The following IQSEC3 variants were observed in gnomAD, a reference collection of about 807,000 sequenced individuals.
IQSEC3 encodes the protein IQ motif and Sec7 domain ArfGEF 3.
A neutral mutation model predicts 105.4 loss-of-function variants in IQSEC3; 50 were observed. The observed-to-expected ratio is 0.47, with a 90% CI of 0.38 to 0.60. IQSEC3 has a LOEUF of 0.60. Ranked by LOEUF, IQSEC3 falls within the 20% of genes least tolerant of loss-of-function variation. The pLI, the probability that IQSEC3 is intolerant of heterozygous loss-of-function variation, is 0.00. For synonymous variants in IQSEC3, 708 were observed against 746.0 expected, an observed-to-expected ratio of 0.95 and a Z score of 0.83; for missense variants, 1,415 against 1,630.0, an observed-to-expected ratio of 0.87 and a Z score of 2.27.
Position 174,940 on chromosome 12 carries a change from C to A in IQSEC3, c.3456C>A (p.Pro1152=), listed in dbSNP as rs1591765744. Residue 1152 remains proline (P), a synonymous_variant, in exon 14 of 14, where the codon CCC becomes CCA. Coordinates refer to ENST00000538872, the MANE Select transcript of IQSEC3 (RefSeq NM_001170738.2). ...KVTHQPPLPP[P]PPPYNHPHQF... Reference sequence around the variant, plus strand: ...CCCACCAGCCTCCGCTGCCCCCGCCCCCACCCCCCTACAACCACCCTCACC... The same window carrying A: ...CCCACCAGCCTCCGCTGCCCCCGCCACCACCCCCCTACAACCACCCTCACC... 3 of 1,539,938 alleles carry A rather than the reference C, an allele frequency of 1.9e-6. No individual in the cohort carries two copies. Among genetic ancestry groups the A allele is most frequent in the South Asian group, 1.2e-5 (1 of 84,326 alleles).
chr12:147,519 T>C (rs1866326219), intron 5 of IQSEC3, among the ~76,000 whole-genome samples: 1 of 152,126 alleles, frequency 6.6e-6, no homozygotes, highest in Non-Finnish European at 1.5e-5. Context: ...CCTGAGCCCT[T>C]AACCCTGCAC....
intron 1 of IQSEC3, among the ~76,000 whole-genome samples, chr12:69,378 T>C (rs1555066871): frequency 6.6e-6 from 1 of 152,288 alleles, no homozygotes; most frequent in East Asian, 1.9e-4. Context: ...TCTGGGCTCC[T>C]GTCCAGCTCC....
chr12:126,348 GA>G (rs1418055259), intron 3 of IQSEC3, among the ~76,000 whole-genome samples: 1 of 152,222 alleles, frequency 6.6e-6, no homozygotes, highest in Non-Finnish European at 1.5e-5. Flanking sequence ...TGGTCTCCTC[GA>G]AGCAGACAGG....
chr12:120,841 T>G (rs1865194764), intron 2 of IQSEC3, among the ~76,000 whole-genome samples: 2 of 152,222 alleles, frequency 1.3e-5, no homozygotes, highest in Admixed American at 6.5e-5. Context: ...CAAAGCTTTC[T>G]GTGGAAAGCT....
chr12:163,370 C>CTCCCTCCACAGAACCGGACCCCTCCCCTG, intron 8 of IQSEC3, 124 bp from the exon 9 acceptor site: 1 of 79,544 alleles, frequency 1.3e-5, no homozygotes, highest in Non-Finnish European at 2.3e-5. Flanking sequence ...CTCCCCTCTC[C>CTCCCTCCACAGAACCGGACCCCTCCCCTG]TCCCTCCACA....
intron 1 of IQSEC3, among the ~76,000 whole-genome samples, chr12:74,866 G>C (rs1428735577): frequency 6.6e-6 from 1 of 152,286 alleles, no homozygotes; most frequent in African/African-American, 2.4e-5. Flanking sequence ...AAACTAGCTA[G>C]TGTCAGAACT....
At position 174,612 on chromosome 12, in the gene IQSEC3, A is replaced by G. The variant is rs1011145479; in HGVS notation, c.3128A>G (p.Asn1043Ser). 3.9e-6 allele frequency: 6 copies of G among 1,544,596 alleles called. No homozygotes were observed. The highest frequency in any genetic ancestry group is 4.3e-6 in the Non-Finnish European group (5 of 1,153,582). ...TTTCTAAACTAGGTGTCAATTCACA[A>G]CAGGCTTCAAACGTCCCAGCACAAC... The part of the protein sequence containing the change: ...AESTVEVSIH[N>S]RLQTSQHNSG... The change falls in exon 14 of 14, where the codon AAC becomes AGC. Residue 1043 changes from asparagine (N) to serine (S), a missense_variant. By Grantham distance (46) the Asn-to-Ser change is conservative (BLOSUM62 1). This residue lies in a region of IQSEC3 where 419 missense variants were observed against 436.2 expected (regional missense o/e 0.96). Transcript: ENST00000538872.
chr12:121,026 G>C (rs568022490), intron 2 of IQSEC3, among the ~76,000 whole-genome samples: 1 of 152,332 alleles, frequency 6.6e-6, no homozygotes, highest in Non-Finnish European at 1.5e-5. Flanking sequence ...GCCTAAGAGA[G>C]TGGAGAGCCC....
At chr12:69,117 C>A (rs1450170158) in intron 1 of IQSEC3, among the ~76,000 whole-genome samples, 1 of 152,240 alleles carries the variant, frequency 6.6e-6, no homozygotes, top group African/African-American at 2.4e-5. Flanking sequence ...TTTTTCCAGT[C>A]CCCTTCCCTG....
intron 3 of IQSEC3, among the ~76,000 whole-genome samples, chr12:131,426 C>T (rs888584634): frequency 3.3e-5 from 5 of 152,210 alleles, no homozygotes; most frequent in East Asian, 1.9e-4. Context: ...TTGGGGTAGA[C>T]GGGAGGGCCT....
chr12:115,061 C>T (rs1422504440), intron 2 of IQSEC3, among the ~76,000 whole-genome samples: 1 of 152,168 alleles, frequency 6.6e-6, no homozygotes, highest in African/African-American at 2.4e-5. Context: ...AAGATAAGGA[C>T]GTTAACTGCA....
intron 1 of IQSEC3, among the ~76,000 whole-genome samples, chr12:98,590 C>T (rs573981914): frequency 3.9e-5 from 6 of 152,272 alleles, no homozygotes; most frequent in East Asian, 3.9e-4. Context: ...CTGCCTTCTG[C>T]GTTGGCTTTT....
intron 3 of IQSEC3, among the ~76,000 whole-genome samples, chr12:130,972 C>G (rs112273706): frequency 6.8e-6 from 1 of 148,124 alleles, no homozygotes; most frequent in Non-Finnish European, 1.5e-5. Context: ...GGAAGCCCCC[C>G]ACACCTCCCC....
Position 157,767 on chromosome 12 carries a change from G to A in IQSEC3, c.2443+73G>A, listed in dbSNP as rs185247677. On this transcript the variant is annotated intron_variant, in intron 7 of 13. Transcript: ENST00000538872. ...CCCCATTCTGTGCACCGTGCATTCT[G>A]TGAGTCTGAGCCCCTATCACAGATG... is the stretch of plus-strand genomic sequence containing the variant. 1.2e-4 allele frequency: 179 copies of A among 1,496,492 alleles called. No homozygotes were observed. In the African/African-American group the frequency reaches 2.3e-3, roughly 19 times the overall value. The allele number at this position is 1,496,492 out of a possible 1,614,324, so 92.7% of individuals were successfully genotyped here. A position where few individuals can be genotyped will look rare whatever the true frequency, so the allele number is the denominator to read the frequency against.
At chr12:173,532 T>C (rs1242431266) in intron 13 of IQSEC3, among the ~76,000 whole-genome samples, 2 of 151,972 alleles carry the variant, frequency 1.3e-5, no homozygotes, top group African/African-American at 4.8e-5. Context: ...TGGGATGAGG[T>C]ACCTCCCCTG....
At chr12:120,687 A>T (rs1227140568) in intron 2 of IQSEC3, among the ~76,000 whole-genome samples, 6 of 152,170 alleles carry the variant, frequency 3.9e-5, no homozygotes, top group African/African-American at 1.2e-4. Flanking sequence ...CACATGTGAT[A>T]TTCCTCTGAG....
chr12:135,910 C>A (rs1351942118), intron 3 of IQSEC3, among the ~76,000 whole-genome samples: 3 of 152,214 alleles, frequency 2.0e-5, no homozygotes, highest in Non-Finnish European at 4.4e-5. Context: ...AGATCCCGAG[C>A]AGATAACCCA....
At chr12:134,912 G>A (rs1372077465) in intron 3 of IQSEC3, among the ~76,000 whole-genome samples, 1 of 152,116 alleles carries the variant, frequency 6.6e-6, no homozygotes, top group East Asian at 1.9e-4. Context: ...GATCACCAAG[G>A]CACCAGGAGT....
At chr12:76,598 G>C (rs1437125602) in intron 1 of IQSEC3, among the ~76,000 whole-genome samples, 4 of 152,250 alleles carry the variant, frequency 2.6e-5, no homozygotes, top group African/African-American at 4.8e-5. Flanking sequence ...AGATCCTCCT[G>C]GTTCTTCCCC....
Sources: allele counts gnomAD v4.1 joint callset (sites outside exome capture counted in the v4.1 genomes callset), GRCh38; gene constraint gnomAD v4.1.1; regional missense constraint gnomAD v4.1.1; transcripts MANE v1.5; gene names NCBI Gene and HGNC (gene_info 2026-07-23, HGNC 2026-07-21).